The following DLG2 variants were observed in gnomAD, a reference collection of about 807,000 sequenced individuals.
DLG2 encodes disks large homolog 2.
Under a neutral mutation model 132.5 loss-of-function variants are expected in DLG2, and 45 were observed. That is an observed-to-expected ratio of 0.34 (90% CI 0.27 to 0.44). The LOEUF (loss-of-function observed/expected upper bound fraction) is 0.44, where lower values mean the gene tolerates loss of function less well. Among genes scored for constraint, DLG2 ranks in the 20% least tolerant of loss-of-function variants. The pLI is 1.00. For synonymous variants in DLG2, 424 were observed against 419.6 expected (o/e 1.01, Z -0.13); for missense variants, 1,045 against 1,196.9 (o/e 0.87, Z 1.87).
intron 4 of DLG2, among the ~76,000 whole-genome samples, chr11:85,225,646 T>G (rs1326487780): frequency 6.6e-6 from 1 of 152,080 alleles, no homozygotes; most frequent in Admixed American, 6.6e-5. Flanking sequence ...TGTCTCCTCC[T>G]TATGGCATTG....
chr11:85,627,604 C>T (rs1251788099), upstream of DLG2: 1 of 152,208 alleles, frequency 6.6e-6, no homozygotes, highest in Non-Finnish European at 1.5e-5. Flanking sequence ...GCTATGTAAA[C>T]GGTCCGCGAT....
chr11:85,614,186 G>C (rs1292317410), intron 2 of DLG2, among the ~76,000 whole-genome samples: 1 of 152,098 alleles, frequency 6.6e-6, no homozygotes, highest in Non-Finnish European at 1.5e-5. Context: ...AGACACAAAA[G>C]TATTTTACTA....
chr11:84,729,895 T>C (rs569330375), intron 6 of DLG2, among the ~76,000 whole-genome samples: 97 of 152,014 alleles, frequency 6.4e-4, no homozygotes, highest in Admixed American at 9.8e-4. Context: ...ACACTCTTTA[T>C]TGAAGAAATG....
At chr11:85,586,193 G>A (rs2078959147) in intron 3 of DLG2, among the ~76,000 whole-genome samples, 1 of 152,016 alleles carries the variant, frequency 6.6e-6, no homozygotes, top group South Asian at 2.1e-4. Context: ...TTCTTTTTTT[G>A]TTATGTCCTT....
intron 3 of DLG2, among the ~76,000 whole-genome samples, chr11:85,446,785 T>C (rs918551915): frequency 1.3e-5 from 2 of 149,570 alleles, no homozygotes; most frequent in African/African-American, 2.5e-5. Flanking sequence ...TTTGAAGGGA[T>C]ATAGTATATG....
At chr11:84,649,814 G>T (rs61899025) in intron 6 of DLG2, among the ~76,000 whole-genome samples, 1 of 151,928 alleles carries the variant, frequency 6.6e-6, no homozygotes, top group Non-Finnish European at 1.5e-5. Context: ...TGGTTCTAAG[G>T]AAGGATTCCA....
At chr11:85,028,346 C>T (rs944413727) in intron 6 of DLG2, among the ~76,000 whole-genome samples, 8 of 152,172 alleles carry the variant, frequency 5.3e-5, no homozygotes, top group South Asian at 2.1e-4. Flanking sequence ...TCACTGTAAG[C>T]CACGGACTCT....
At chr11:84,946,752 T>C (rs6592219) in intron 6 of DLG2, among the ~76,000 whole-genome samples, 84,222 of 151,962 alleles carry the variant, frequency 0.55, 23,947 homozygotes, top group East Asian at 0.71. Context: ...CATCCCACGT[T>C]CACTGGCTCC....
chr11:83,606,011 T>C (rs2059283792), intron 19 of DLG2, among the ~76,000 whole-genome samples: 1 of 152,248 alleles, frequency 6.6e-6, no homozygotes, highest in Admixed American at 6.5e-5. Context: ...GACTTCACTA[T>C]ACTAGTTGTT....
chr11:85,462,064 T>C (rs1403188768), intron 3 of DLG2, among the ~76,000 whole-genome samples: 1 of 152,230 alleles, frequency 6.6e-6, no homozygotes, highest in African/African-American at 2.4e-5. Flanking sequence ...TCATCATCAC[T>C]GGCCATCAGA....
intron 12 of DLG2, among the ~76,000 whole-genome samples, chr11:83,977,836 A>G (rs777827258): frequency 2.6e-5 from 4 of 152,076 alleles, no homozygotes; most frequent in Non-Finnish European, 5.9e-5. Context: ...ATGCCATCAC[A>G]TTCTACTTTT....
At chr11:84,760,865 G>A (rs990172973) in intron 6 of DLG2, among the ~76,000 whole-genome samples, 1 of 152,046 alleles carries the variant, frequency 6.6e-6, no homozygotes, top group African/African-American at 2.4e-5. Flanking sequence ...CGGCAGCTAC[G>A]TGGCCCAACT....
chr11:84,747,009 C>A (rs2153830654), intron 6 of DLG2, among the ~76,000 whole-genome samples: 1 of 152,306 alleles, frequency 6.6e-6, no homozygotes, highest in South Asian at 2.1e-4. Context: ...AAATGAATCA[C>A]ATGGCCAGTC....
intron 6 of DLG2, among the ~76,000 whole-genome samples, chr11:84,950,831 A>G (rs1181100456): frequency 2.0e-5 from 3 of 152,166 alleles, no homozygotes; most frequent in African/African-American, 7.2e-5. Context: ...GGTCTACATA[A>G]TATGAATTCC....
chr11:83,949,004 T>G (rs891496383), intron 14 of DLG2, among the ~76,000 whole-genome samples: 1 of 152,230 alleles, frequency 6.6e-6, no homozygotes, highest in African/African-American at 2.4e-5. Context: ...ATACTTAGCA[T>G]AGACTGGCAT....
intron 15 of DLG2, among the ~76,000 whole-genome samples, chr11:83,893,794 G>A (rs1306380782): frequency 6.6e-6 from 1 of 152,140 alleles, no homozygotes; most frequent in African/African-American, 2.4e-5. Flanking sequence ...TGCATGCTGT[G>A]TACCTTGCAG....
chr11:84,696,028 C>T (rs945666213), intron 6 of DLG2, among the ~76,000 whole-genome samples: 1 of 151,480 alleles, frequency 6.6e-6, no homozygotes, highest in Non-Finnish European at 1.5e-5. Context: ...TCAACGAACA[C>T]TTAACAATTG....
chr11:84,704,306 G>T (rs191387970), intron 6 of DLG2, among the ~76,000 whole-genome samples: 98 of 151,500 alleles, frequency 6.5e-4, no homozygotes, highest in African/African-American at 2.1e-3. Flanking sequence ...GCAAAGTTTT[G>T]TTCTTCTGTA....
intron 7 of DLG2, among the ~76,000 whole-genome samples, chr11:84,356,763 G>A (rs1408812946): frequency 6.6e-6 from 1 of 151,974 alleles, no homozygotes; most frequent in African/African-American, 2.4e-5. Context: ...AAGAGGATCA[G>A]ATAATGCCAG....
Sources: gnomAD v4.1 joint callset for allele counts (sites outside exome capture counted in the v4.1 genomes callset) on GRCh38, gnomAD v4.1.1 for gene constraint, MANE v1.5 for transcripts, NCBI Gene and HGNC (gene_info 2026-07-23, HGNC 2026-07-21) for gene names.